KALRN: variants seen among roughly 807,000 people sequenced by gnomAD.
KALRN encodes kalirin RhoGEF kinase.
KALRN carries 70 observed loss-of-function variants against 353.7 expected under a neutral mutation model. The observed-to-expected ratio is 0.20, with a 90% CI of 0.16 to 0.24. The LOEUF (loss-of-function observed/expected upper bound fraction) is 0.24. Ranked by LOEUF, KALRN falls within the 10% of genes least tolerant of loss-of-function variation. The probability of loss-of-function intolerance (pLI) is 1.00; values close to 1 mark genes in which losing one functional copy is unlikely to be tolerated. For missense variants in KALRN, 2,791 were observed against 3,756.7 expected (o/e 0.74, Z 6.72); for synonymous variants, 1,391 against 1,434.8 (o/e 0.97, Z 0.69).
At position 124,488,269 on chromosome 3, in the gene KALRN, T is replaced by C. The variant is rs749458323; in HGVS notation, c.4350T>C (p.Ser1450=). ...ELKDGLEVML[S]VPKKANDAMH... is the part of the protein sequence containing the mutation. ...AGGATGGCCTGGAGGTGATGCTCAG[T>C]GTCCCAAAGAAAGCCAATGATGCCA... Residue 1450 remains serine, a synonymous_variant, in exon 29 of 60, where the codon AGT becomes AGC. Transcript: ENST00000682506. 4 of 1,613,980 alleles carry C rather than the reference T, an allele frequency of 2.5e-6. No homozygotes were observed. Among genetic ancestry groups the C allele is most frequent in the South Asian group, 2.2e-5 (2 of 91,056 alleles).
chr3:124,596,185 GAAA>G (rs5852417), intron 34 of KALRN, among the ~76,000 whole-genome samples: 2 of 136,130 alleles, frequency 1.5e-5, no homozygotes, highest in African/African-American at 2.7e-5. Flanking sequence ...CCATCTTAAA[GAAA>G]AAAAAAAAAA....
chr3:124,595,828 G>A (rs1356050062), intron 34 of KALRN, among the ~76,000 whole-genome samples: 1 of 152,108 alleles, frequency 6.6e-6, no homozygotes, highest in African/African-American at 2.4e-5. Flanking sequence ...TTTATATAAG[G>A]AAATACCCTG....
At chr3:124,234,796 T>G (rs753029356) in intron 2 of KALRN, 33 bp from the exon 3 acceptor site, 1 of 1,510,306 alleles carries the variant, frequency 6.6e-7, no homozygotes, top group South Asian at 1.2e-5. Context: ...TGACTGGTTT[T>G]CTTAAACACT....
chr3:124,634,599 G>A (rs946883731), intron 36 of KALRN, among the ~76,000 whole-genome samples: 1 of 152,192 alleles, frequency 6.6e-6, no homozygotes, highest in East Asian at 1.9e-4. Context: ...GAGCAGAAGC[G>A]TAGGTTAGAC....
Position 124,058,896 on chromosome 3 carries a change from A to G in KALRN, c.73+25083A>G, listed in dbSNP as rs552275165. Among the ~76,000 whole-genome samples, 150 of 152,376 alleles carry G rather than the reference A, an allele frequency of 9.8e-4. 1 individual carries two copies. The highest frequency in any genetic ancestry group is 3.5e-3 in the African/African-American group (144 of 41,594). On this transcript the variant is annotated intron_variant, in intron 1 of 59. Transcript: ENST00000682506. ...TTTCTATACTGTAAGCATTCAGGTT[A>G]AAGTTTGAATCTTGAAAGTAGCTTC... is the stretch of plus-strand genomic sequence containing the variant.
Position 124,152,502 on chromosome 3 carries a change from C to T in KALRN, c.74-75488C>T, listed in dbSNP as rs1434252774. Reference sequence around the variant, plus strand: ...TGGCCATTCGAATTTCAGTTCTGTACATCTGCCTATATTCCTTGTTACAGT... The same window carrying T: ...TGGCCATTCGAATTTCAGTTCTGTATATCTGCCTATATTCCTTGTTACAGT... On this transcript the variant is annotated intron_variant, in intron 1 of 59. Transcript: ENST00000682506. The T allele has an allele frequency of 5.0e-6, 4 of 793,772 alleles. No individual in the cohort carries two copies. The East Asian group carries it at 9.7e-5, about 19-fold the overall frequency. The allele number at this position is 793,772 out of a possible 1,614,324, so 49.2% of individuals were successfully genotyped here.
intron 1 of KALRN, among the ~76,000 whole-genome samples, chr3:124,168,519 G>C (rs1326351961): frequency 6.6e-6 from 1 of 152,206 alleles, no homozygotes; most frequent in Non-Finnish European, 1.5e-5. Flanking sequence ...ATGCTGGTGA[G>C]AGTCATTGGG....
intron 1 of KALRN, among the ~76,000 whole-genome samples, chr3:124,189,339 C>T (rs1470900943): frequency 1.3e-5 from 2 of 152,104 alleles, no homozygotes; most frequent in Non-Finnish European, 2.9e-5. Flanking sequence ...TTGTAAACAT[C>T]GAAGTCTGCA....
In KALRN at chr3:124,442,885, A is replaced by G. The variant is rs559298109; in HGVS notation, c.3313+826A>G. On this transcript the variant is annotated intron_variant, in intron 19 of 59. Transcript: ENST00000682506. The stretch of plus-strand genomic sequence containing the variant: ...ATAGCTCTAGTTATTCAGGAGGCCG[A>G]GATGGAAGGCTCATTTGAGCCCAAG... 6.1e-4 allele frequency among the ~76,000 whole-genome samples: 93 copies of G among 152,248 alleles called. 1 individual carries two copies. In the South Asian group the frequency reaches 9.3e-3, roughly 15 times the overall value.
At chr3:124,658,178 T>G (rs545287854) in intron 41 of KALRN, among the ~76,000 whole-genome samples, 1 of 152,166 alleles carries the variant, frequency 6.6e-6, no homozygotes, top group African/African-American at 2.4e-5. Context: ...TAAATAAAAT[T>G]TCTTCTCTTC....
chr3:124,120,214 A>G (rs566946049), intron 1 of KALRN, among the ~76,000 whole-genome samples: 38 of 152,306 alleles, frequency 2.5e-4, no homozygotes, highest in Non-Finnish European at 4.3e-4. Flanking sequence ...CCGACAGGGC[A>G]GGTGGCTCTG....
rs11926685 is a variant in KALRN, at chr3:124,265,052, G to A, written c.456+362G>A. ...CTGTATCATAGTTGTACATATTTTT[G>A]GGTACATGTGACATTTTGATGCCTG... is the stretch of plus-strand genomic sequence containing the variant. On this transcript the variant is annotated intron_variant, in intron 4 of 59. Transcript: ENST00000682506. 9.2e-3 allele frequency among the ~76,000 whole-genome samples: 1,393 copies of A among 152,080 alleles called. 20 individuals carry two copies. Among genetic ancestry groups the A allele is most frequent in the African/African-American group, 0.032 (1,309 of 41,482 alleles).
rs377527522 is a variant in KALRN at position 124,100,558 on chromosome 3, T to C, written c.73+66745T>C. 1.9e-4 allele frequency: 29 copies of C among 152,274 alleles called. No homozygotes were observed. The East Asian group carries it at 3.5e-3, about 18-fold the overall frequency. The allele number at this position is 152,274 out of a possible 1,614,324, so 9.4% of individuals were successfully genotyped here. ...ACGTGTAAGACCAGAAACTATGAAA[T>C]TGCTAGAAGAAAACATAGGGAAACC... On this transcript the variant is annotated intron_variant, in intron 1 of 59. Transcript: ENST00000682506.
intron 33 of KALRN, among the ~76,000 whole-genome samples, chr3:124,506,246 A>G (rs572756489): frequency 2.6e-5 from 4 of 152,264 alleles, no homozygotes; most frequent in African/African-American, 9.6e-5. Flanking sequence ...AACTGTATAG[A>G]TCAGACCAGG....
intron 23 of KALRN, among the ~76,000 whole-genome samples, chr3:124,459,366 G>T (rs1476986887): frequency 6.6e-6 from 1 of 152,118 alleles, no homozygotes; most frequent in Non-Finnish European, 1.5e-5. Context: ...AGTAGCTGAG[G>T]TTTTCATAAA....
At chr3:124,254,464 C>G (rs191345106) in intron 3 of KALRN, among the ~76,000 whole-genome samples, 26 of 146,374 alleles carry the variant, frequency 1.8e-4, no homozygotes, top group Admixed American at 6.1e-4. Flanking sequence ...TAGTTTTATG[C>G]ACAAATACTG....
chr3:124,451,839 T>C (rs187946900), intron 21 of KALRN, among the ~76,000 whole-genome samples: 3 of 152,356 alleles, frequency 2.0e-5, no homozygotes, highest in African/African-American at 7.2e-5. Context: ...GACCAGAATC[T>C]GTATAATGTT....
chr3:124,062,678 C>T (rs961214359), intron 1 of KALRN, among the ~76,000 whole-genome samples: 6 of 152,132 alleles, frequency 3.9e-5, no homozygotes, highest in Admixed American at 6.5e-5. Context: ...TTTAAAGTCA[C>T]GTGCTTCCTT....
intron 5 of KALRN, among the ~76,000 whole-genome samples, chr3:124,285,483 A>T (rs888421636): frequency 1.3e-5 from 2 of 152,250 alleles, no homozygotes; most frequent in African/African-American, 4.8e-5. Context: ...ACAAAATTGC[A>T]TTTGTATCCT....
Sources: gnomAD v4.1 joint callset for allele counts (sites outside exome capture counted in the v4.1 genomes callset) on GRCh38, gnomAD v4.1.1 for gene constraint, MANE v1.5 for transcripts, NCBI Gene and HGNC (gene_info 2026-07-23, HGNC 2026-07-21) for gene names.